The following NIBAN2 variants were observed in gnomAD, a reference collection of about 807,000 sequenced individuals.
The protein encoded by NIBAN2 is niban apoptosis regulator 2.
A neutral mutation model predicts 81.8 loss-of-function variants in NIBAN2; 36 were observed. That is an observed-to-expected ratio of 0.44 (90% CI 0.34 to 0.58). NIBAN2 has a LOEUF of 0.58. Ranked by LOEUF, NIBAN2 falls within the 20% of genes least tolerant of loss-of-function variation. NIBAN2 has a pLI of 0.02. For synonymous variants in NIBAN2, 445 were observed against 441.6 expected (o/e 1.01, Z -0.10); for missense variants, 897 against 1,014.1 (o/e 0.88, Z 1.57).
At chr9:127,551,974 C>CCT (rs1837584974) in intron 1 of NIBAN2, among the ~76,000 whole-genome samples, 1 of 152,180 alleles carries the variant, frequency 6.6e-6, no homozygotes, top group South Asian at 2.1e-4. Context: ...CTTGCCCCAC[C>CCT]CTCAGGTCAC....
chr9:127,511,711 A>C (rs971818040), intron 8 of NIBAN2, among the ~76,000 whole-genome samples: 12 of 152,244 alleles, frequency 7.9e-5, no homozygotes, highest in Admixed American at 5.9e-4. Flanking sequence ...ATCTCAAACA[A>C]GTCTATAGGA....
chr9:127,535,625 A>G (rs1837262020), intron 1 of NIBAN2, among the ~76,000 whole-genome samples: 1 of 152,094 alleles, frequency 6.6e-6, no homozygotes, highest in South Asian at 2.1e-4. Flanking sequence ...GGACCCAGGC[A>G]AGGGCCAGGG....
intron 5 of NIBAN2, among the ~76,000 whole-genome samples, 189 bp from the exon 6 acceptor site, chr9:127,518,130 C>T (rs1588156489): frequency 1.3e-5 from 2 of 152,156 alleles, no homozygotes; most frequent in South Asian, 4.1e-4. Flanking sequence ...GCAGTAATGA[C>T]CCCACCACCA....
chr9:127,525,158 A>G lies in NIBAN2; in HGVS notation c.321T>C (p.Tyr107=). 1 of 1,613,850 alleles carries G rather than the reference A, an allele frequency of 6.2e-7. No homozygotes were observed. Among genetic ancestry groups the G allele is most frequent in the Non-Finnish European group, 8.5e-7 (1 of 1,179,760 alleles). Residue 107 remains tyrosine (Y), a synonymous_variant, in exon 4 of 14, where the codon TAT becomes TAC. Transcript: ENST00000373312. The part of the protein sequence containing the change: ...GLVLYENKAA[Y]ERQVPPRAVI... ...CGGCTCGTGGTGGGACCTGCCGCTCATAGGCCTGAGGGAGGCAAGAGAGAG... is the reference window on the plus strand; with the variant it reads ...CGGCTCGTGGTGGGACCTGCCGCTCGTAGGCCTGAGGGAGGCAAGAGAGAG...
upstream of NIBAN2, among the ~76,000 whole-genome samples, chr9:127,570,380 G>A (rs1197860265): frequency 2.0e-5 from 3 of 152,132 alleles, no homozygotes; most frequent in African/African-American, 7.2e-5. Flanking sequence ...CTAGATGCTG[G>A]GGGTGAAAAG....
At chr9:127,562,015 G>A (rs1457221770) in intron 1 of NIBAN2, among the ~76,000 whole-genome samples, 4 of 152,194 alleles carry the variant, frequency 2.6e-5, no homozygotes, top group Non-Finnish European at 5.9e-5. Context: ...GCAGGAGCCC[G>A]GGGTGCAGTG....
chr9:127,550,203 C>T (rs1343349212), intron 1 of NIBAN2, among the ~76,000 whole-genome samples: 2 of 152,184 alleles, frequency 1.3e-5, no homozygotes, highest in African/African-American at 2.4e-5. Context: ...CTCCCCGTAC[C>T]GTGAAGGGAC....
chr9:127,508,547 C>T lies in NIBAN2; in HGVS notation c.1318-9G>A. 6.2e-7 allele frequency: 1 copy of T among 1,610,106 alleles called. No individual in the cohort carries two copies. Among genetic ancestry groups the T allele is most frequent in the Non-Finnish European group, 8.5e-7 (1 of 1,176,962 alleles). On this transcript the variant is annotated splice_polypyrimidine_tract_variant and intron_variant, in intron 10 of 13. Coordinates refer to ENST00000373312, the MANE Select transcript of NIBAN2 (RefSeq NM_022833.4). This position sits in a 1 kb window ranked among gnomAD's most constrained non-coding sequence, Gnocchi z 6.4. ...ACGGCATTGTCCATTTGCTGCAGGG[C>T]ATACCGCGGACATGTGAAGCCCCCA...
chr9:127,552,691 T>TTG lies in NIBAN2; in HGVS notation c.55+16128_55+16129insCA, dbSNP rs922618546. 1.0e-4 allele frequency among the ~76,000 whole-genome samples: 14 copies of TTG among 140,212 alleles called. No homozygotes were observed. The East Asian group carries it at 1.9e-3, about 19-fold the overall frequency. 92.0% of individuals were successfully genotyped at this position (140,212 alleles called of 152,430 possible). A position where few individuals can be genotyped will look rare whatever the true frequency, so the allele number is the denominator to read the frequency against. ...AGGCGTAATGGAATATTCGTTTTTT[T>TTG]TTTTTTTTTTTTTTTGAGACAGAGT... On this transcript the variant is annotated intron_variant, in intron 1 of 13. Transcript: ENST00000373312.
chr9:127,578,809 A>AG, intron 1 of NIBAN2: 1 of 1,011,862 alleles, frequency 9.9e-7, no homozygotes, highest in East Asian at 2.6e-5. Flanking sequence ...TTGAGCTATG[A>AG]TCATTCCGCT....
intron 8 of NIBAN2, among the ~76,000 whole-genome samples, chr9:127,513,863 C>T (rs943767268): frequency 2.6e-5 from 4 of 152,204 alleles, no homozygotes; most frequent in African/African-American, 4.8e-5. Context: ...AACCCTCTCT[C>T]GGGGTCTGGA....
rs568186211 is a variant in NIBAN2, at chr9:127,519,100, A to T, written c.590-1159T>A. Among the ~76,000 whole-genome samples, 541 of 146,058 alleles carry T rather than the reference A, an allele frequency of 3.7e-3. 5 individuals are homozygous for T. The highest frequency in any genetic ancestry group is 0.013 in the African/African-American group (511 of 39,806). On this transcript the variant is annotated intron_variant, in intron 5 of 13. Coordinates refer to ENST00000373312, the MANE Select transcript of NIBAN2 (RefSeq NM_022833.4). ...TGAGGCAGGAGAATCGCTTGAACCC[A>T]GGAGGCAGAGGTTGCAGTGAGCCGA...
At chr9:127,565,661 G>C (rs1009797550) in intron 1 of NIBAN2, among the ~76,000 whole-genome samples, 1 of 151,540 alleles carries the variant, frequency 6.6e-6, no homozygotes, top group African/African-American at 2.4e-5. Flanking sequence ...AAGCATGGTG[G>C]TGTGTACCTG....
chr9:127,508,168 C>T lies in NIBAN2; in HGVS notation c.1467G>A (p.Lys489=). ...GCAGCAGCGCCTCCCGGAAGAACCT[C>T]TTCCGCACAGAGCTGCTGTCGTAGT... ...KYDYDSSSVR[K]RFFREALLQI... Residue 489 remains lysine (K), a synonymous_variant, in exon 12 of 14, where the codon AAG becomes AAA. Transcript: ENST00000373312. This position sits in a 1 kb window ranked among gnomAD's most constrained non-coding sequence, Gnocchi z 6.4. The T allele has an allele frequency of 6.2e-7, 1 of 1,613,712 alleles. No individual in the cohort carries two copies. Among genetic ancestry groups the T allele is most frequent in the African/African-American group, 1.3e-5 (1 of 75,058 alleles).
chr9:127,578,489 G>A (rs938527952), intron 1 of NIBAN2, among the ~76,000 whole-genome samples: 4 of 151,454 alleles, frequency 2.6e-5, no homozygotes, highest in Non-Finnish European at 4.4e-5. Flanking sequence ...TCGTGAAACC[G>A]TCTCTACTAA....
Position 127,517,095 on chromosome 9 carries a change from G to A in NIBAN2, c.810+17C>T, listed in dbSNP as rs1836847222. The A allele has an allele frequency of 3.1e-6, 5 of 1,612,362 alleles. No individual in the cohort carries two copies. Among genetic ancestry groups the A allele is most frequent in the Middle Eastern group, 1.7e-4 (1 of 6,046 alleles). On this transcript the variant is annotated intron_variant, in intron 7 of 13. Transcript: ENST00000373312. This position sits in a 1 kb window ranked among gnomAD's most constrained non-coding sequence, Gnocchi z 4.0. ...CTGCAGGTCCCGTCCCCGCTCCAGG[G>A]CCCCAGGCCCACCCACCTGGATCCA...
Position 127,507,448 on chromosome 9 carries a change from G to A in NIBAN2, c.1655-17C>T, listed in dbSNP as rs564397558. On this transcript the variant is annotated splice_polypyrimidine_tract_variant and intron_variant, in intron 13 of 13. Coordinates refer to ENST00000373312, the MANE Select transcript of NIBAN2 (RefSeq NM_022833.4). The surrounding 1 kb of genome is among the most constrained non-coding windows in gnomAD (Gnocchi z 6.8). ...CCTTCACAGCTACAGGGCCACAGGG[G>A]AAGGGTCAGGACACAGCACTGATCC... The A allele has an allele frequency of 6.7e-7, 1 of 1,489,762 alleles. No homozygotes were observed. Among genetic ancestry groups the A allele is most frequent in the African/African-American group, 1.4e-5 (1 of 71,426 alleles). 92.3% of individuals were successfully genotyped at this position (1,489,762 alleles called of 1,614,324 possible).
chr9:127,527,464 C>A (rs917796138), intron 2 of NIBAN2, 142 bp from the exon 3 acceptor site: 8 of 771,558 alleles, frequency 1.0e-5, no homozygotes, highest in Non-Finnish European at 1.3e-5. Context: ...CAAGTCCTCC[C>A]AAGGCCTCTG....
chr9:127,532,079 T>C (rs942661360), intron 1 of NIBAN2, among the ~76,000 whole-genome samples: 1 of 152,042 alleles, frequency 6.6e-6, no homozygotes, highest in Non-Finnish European at 1.5e-5. Flanking sequence ...GGTGGGGACA[T>C]GCAAAAACAG....
Sources: gnomAD v4.1 joint callset for allele counts (sites outside exome capture counted in the v4.1 genomes callset) on GRCh38, gnomAD v4.1.1 for gene constraint, Gnocchi (gnomAD v3.1) non-coding constraint, MANE v1.5 for transcripts, NCBI Gene and HGNC (gene_info 2026-07-23, HGNC 2026-07-21) for gene names.